Variants in VBP1 observed in about 807,000 individuals in gnomAD.
The protein encoded by VBP1 is prefoldin subunit 3.
A neutral mutation model predicts 15.5 loss-of-function variants in VBP1; 4 were observed. The observed-to-expected ratio is 0.26, with a 90% CI of 0.13 to 0.59. The LOEUF (loss-of-function observed/expected upper bound fraction) is 0.59. VBP1 is among the 20% of genes least tolerant of loss of function. VBP1 has a pLI of 0.90. For missense variants in VBP1, 108 were observed against 139.6 expected, an observed-to-expected ratio of 0.77 and a Z score of 1.14; for synonymous variants, 61 against 52.1, an observed-to-expected ratio of 1.17 and a Z score of -0.74.
intron 1 of VBP1, among the ~76,000 whole-genome samples, chrX:155,219,401 G>T (rs1220086717): frequency 8.9e-6 from 1 of 111,817 alleles, no homozygotes; most frequent in Non-Finnish European, 1.9e-5. Context: ...CTTTTCTTTT[G>T]ATCAGTTATT....
At chrX:155,210,836 G>C (rs1326579449) in intron 2 of VBP1, among the ~76,000 whole-genome samples, 2 of 111,993 alleles carry the variant, frequency 1.8e-5, no homozygotes, top group African/African-American at 6.5e-5. Flanking sequence ...TCTTGGGCAG[G>C]GAGTGTGATC....
chrX:155,216,627 C>T (rs1027180955), intron 1 of VBP1, 52 bp downstream of exon 1: 119 of 1,159,228 alleles, frequency 1.0e-4, no homozygotes, highest in Middle Eastern at 4.8e-4. Context: ...TGGACTGCCC[C>T]TTTCTTCCCG....
intron 4 of VBP1, among the ~76,000 whole-genome samples, chrX:155,232,922 C>A (rs1486536517): frequency 8.9e-6 from 1 of 112,544 alleles, no homozygotes; most frequent in Non-Finnish European, 1.9e-5. Flanking sequence ...CTGGAAACAA[C>A]CCAAATGTTC....
intron 1 of VBP1, among the ~76,000 whole-genome samples, chrX:155,200,059 C>A (rs1424758042): frequency 1.0e-5 from 1 of 99,729 alleles, no homozygotes; most frequent in African/African-American, 3.7e-5. Flanking sequence ...GAAGAGCTAA[C>A]TATCCTAAAT....
At chrX:155,228,763 TC>T (rs1232350895) in intron 4 of VBP1, among the ~76,000 whole-genome samples, 1 of 111,655 alleles carries the variant, frequency 9.0e-6, no homozygotes, top group Non-Finnish European at 1.9e-5. Flanking sequence ...CTGCTTCTCT[TC>T]CAGTTAGTGC....
intron 2 of VBP1, among the ~76,000 whole-genome samples, chrX:155,226,574 G>A (rs925018968): frequency 1.3e-4 from 15 of 111,990 alleles, no homozygotes; most frequent in African/African-American, 4.9e-4. Context: ...ATAATGTGGT[G>A]TGTTTGGCAT....
intron 2 of VBP1, among the ~76,000 whole-genome samples, chrX:155,222,388 T>C (rs989834935): frequency 1.4e-4 from 16 of 111,219 alleles, no homozygotes; most frequent in African/African-American, 4.9e-4. Flanking sequence ...GGTGAGAGTA[T>C]TGCTTAAGCC....
At chrX:155,211,998 T>C (rs782592471), upstream of VBP1, among the ~76,000 whole-genome samples, 6 of 112,427 alleles carry the variant, frequency 5.3e-5, no homozygotes, top group Admixed American at 2.8e-4. Flanking sequence ...TTATGTGTAA[T>C]TCCATTCAAT....
chrX:155,224,806 A>G (rs1304174411), intron 2 of VBP1, among the ~76,000 whole-genome samples: 1 of 110,712 alleles, frequency 9.0e-6, no homozygotes, highest in Non-Finnish European at 1.9e-5. Flanking sequence ...TCGTCTGTTA[A>G]TTTTTTTTCC....
chrX:155,214,569 T>A (rs1427824649), upstream of VBP1, among the ~76,000 whole-genome samples: 2 of 110,124 alleles, frequency 1.8e-5, no homozygotes, highest in East Asian at 5.5e-4. Context: ...CATTTTGTTT[T>A]GTTTTGTTTC....
chrX:155,238,748 C>G, intron 5 of VBP1, 24 bp from the exon 6 acceptor site: 1 of 1,173,273 alleles, frequency 8.5e-7, no homozygotes, highest in Non-Finnish European at 1.1e-6. Context: ...ATTGCATTTG[C>G]ATTTTCTTTG....
chrX:155,236,081 G>T (rs1557311527), intron 4 of VBP1, 148 bp from the exon 5 acceptor site: 3 of 610,462 alleles, frequency 4.9e-6, no homozygotes, highest in Admixed American at 3.9e-5. Flanking sequence ...AGCCTGAGTA[G>T]AGAATAGCTG....
chrX:155,231,934 T>G (rs1310656911), intron 4 of VBP1, among the ~76,000 whole-genome samples: 1 of 111,999 alleles, frequency 8.9e-6, no homozygotes, highest in African/African-American at 3.2e-5. Flanking sequence ...GGCATATTTT[T>G]GTATGCTGCT....
chrX:155,223,061 T>C (rs1185351175), intron 2 of VBP1, among the ~76,000 whole-genome samples: 1 of 109,521 alleles, frequency 9.1e-6, no homozygotes, highest in African/African-American at 3.3e-5. Context: ...TTTTGTGTCA[T>C]GATCTAGTTG....
intron 2 of VBP1, among the ~76,000 whole-genome samples, chrX:155,224,357 C>T (rs953660845): frequency 8.2e-5 from 9 of 109,262 alleles, no homozygotes; most frequent in Non-Finnish European, 1.2e-4. Flanking sequence ...CCCGGCACCT[C>T]GGGAGGCCGA....
rs372841323 is a variant in VBP1, at chrX:155,224,179, T to G, written c.219-3056T>G. On this transcript the variant is annotated intron_variant, in intron 2 of 5. Coordinates refer to ENST00000286428, the MANE Select transcript of VBP1 (RefSeq NM_003372.7). ...ACGATGGGCGGCCAGGCAGAGACGCTCCTCACTTCCCAGATGGGGTGGCGG... is the reference window on the plus strand; with the variant it reads ...ACGATGGGCGGCCAGGCAGAGACGCGCCTCACTTCCCAGATGGGGTGGCGG... 8.0e-5 allele frequency among the ~76,000 whole-genome samples: 9 copies of G among 112,261 alleles called. No homozygotes were observed. The South Asian group carries it at 3.3e-3, about 41-fold the overall frequency.
At chrX:155,210,743 C>G (rs782761628) in intron 2 of VBP1, among the ~76,000 whole-genome samples, 1 of 112,042 alleles carries the variant, frequency 8.9e-6, no homozygotes, top group Non-Finnish European at 1.9e-5. Flanking sequence ...ATTTCCTGAG[C>G]AGACTCTCCA....
chrX:155,224,358 G>A (rs987777845), intron 2 of VBP1, among the ~76,000 whole-genome samples: 4 of 112,436 alleles, frequency 3.6e-5, no homozygotes, highest in African/African-American at 1.3e-4. Context: ...CCGGCACCTC[G>A]GGAGGCCGAG....
chrX:155,202,230 T>C (rs1252553861), intron 1 of VBP1, among the ~76,000 whole-genome samples: 1 of 111,779 alleles, frequency 8.9e-6, no homozygotes, highest in African/African-American at 3.3e-5. Flanking sequence ...AAGCTACCAA[T>C]GACTTTCTTC....
Sources: allele counts gnomAD v4.1 joint callset (sites outside exome capture counted in the v4.1 genomes callset), GRCh38; gene constraint gnomAD v4.1.1; transcripts MANE v1.5; gene names NCBI Gene and HGNC (gene_info 2026-07-23, HGNC 2026-07-21).